The following VWA8 variants were observed in gnomAD, a reference collection of about 807,000 sequenced individuals.
VWA8 encodes the protein von Willebrand factor A domain containing 8.
VWA8 carries 221 observed loss-of-function variants against 241.5 expected under a neutral mutation model. That is an observed-to-expected ratio of 0.91 (90% CI 0.82 to 1.02). The LOEUF (loss-of-function observed/expected upper bound fraction) is 1.02, where lower values mean the gene tolerates loss of function less well. Ranked by LOEUF, VWA8 falls within the 50% of genes least tolerant of loss-of-function variation. The pLI is 0.00. For missense variants in VWA8, 2,322 were observed against 2,328.7 expected, an observed-to-expected ratio of 1.00 and a Z score of 0.06; for synonymous variants, 852 against 827.1, an observed-to-expected ratio of 1.03 and a Z score of -0.52.
chr13:41,915,306 T>C (rs1876200049), intron 2 of VWA8, among the ~76,000 whole-genome samples: 1 of 152,218 alleles, frequency 6.6e-6, no homozygotes, highest in Non-Finnish European at 1.5e-5. Flanking sequence ...ATCTGACTAG[T>C]CTCAGTCCTT....
intron 40 of VWA8, among the ~76,000 whole-genome samples, chr13:41,593,682 T>C (rs1362245663): frequency 1.3e-5 from 2 of 152,234 alleles, no homozygotes; most frequent in Non-Finnish European, 2.9e-5. Context: ...ACCATTTATG[T>C]ACCTTCAGTC....
chr13:41,921,545 T>C (rs986524157), intron 2 of VWA8, among the ~76,000 whole-genome samples: 2 of 152,226 alleles, frequency 1.3e-5, no homozygotes, highest in Non-Finnish European at 2.9e-5. Context: ...AGCCCCATTG[T>C]CTCAGCCCAA....
At chr13:41,579,986 A>G (rs1349416682) in intron 42 of VWA8, among the ~76,000 whole-genome samples, 1 of 150,948 alleles carries the variant, frequency 6.6e-6, no homozygotes, top group South Asian at 2.1e-4. Context: ...AGCTGGGACC[A>G]CAGGCATGCG....
At chr13:41,774,016 C>T (rs1474472455) in intron 20 of VWA8, among the ~76,000 whole-genome samples, 1 of 152,128 alleles carries the variant, frequency 6.6e-6, no homozygotes, top group Non-Finnish European at 1.5e-5. Context: ...GCTGCAAGCT[C>T]AGAGAAAAAG....
Position 41,907,117 on chromosome 13 carries a change from T to C in VWA8, c.483+469A>G, listed in dbSNP as rs1875755929. On this transcript the variant is annotated intron_variant, in intron 4 of 44. Coordinates refer to ENST00000379310, the MANE Select transcript of VWA8 (RefSeq NM_015058.2). ...ATTATAATGTTCATAAAACATTATG[T>C]TAGTTGGTAATCTGTACCTAAGATA... is the stretch of plus-strand genomic sequence containing the variant. 2.0e-5 allele frequency among the ~76,000 whole-genome samples: 3 copies of C among 152,156 alleles called. No homozygotes were observed. The South Asian group carries it at 6.2e-4, about 32-fold the overall frequency.
At chr13:41,759,366 T>C (rs909062130) in intron 21 of VWA8, among the ~76,000 whole-genome samples, 3 of 151,726 alleles carry the variant, frequency 2.0e-5, no homozygotes, top group Non-Finnish European at 4.4e-5. Context: ...ATTTTTCTCT[T>C]GGTTTTTAGC....
At chr13:41,735,069 T>C (rs965594012) in intron 21 of VWA8, among the ~76,000 whole-genome samples, 3 of 152,224 alleles carry the variant, frequency 2.0e-5, no homozygotes, top group African/African-American at 7.2e-5. Context: ...TTAATTAAAC[T>C]TACTTATATT....
At chr13:41,771,931 C>G (rs1402457839) in intron 20 of VWA8, among the ~76,000 whole-genome samples, 1 of 125,352 alleles carries the variant, frequency 8.0e-6, no homozygotes, top group Non-Finnish European at 1.6e-5. Context: ...ACTTTCCTGG[C>G]CCAGGGTGGA....
intron 21 of VWA8, among the ~76,000 whole-genome samples, chr13:41,736,754 G>A (rs1014546960): frequency 2.0e-5 from 3 of 151,336 alleles, no homozygotes; most frequent in Admixed American, 6.6e-5. Flanking sequence ...AATGGTCCAC[G>A]CAATAATACG....
chr13:41,672,419 AT>A (rs2045032233), intron 36 of VWA8, among the ~76,000 whole-genome samples: 1 of 152,174 alleles, frequency 6.6e-6, no homozygotes, highest in African/African-American at 2.4e-5. Context: ...CAGATTATAA[AT>A]TCCTATTGTC....
intron 9 of VWA8, among the ~76,000 whole-genome samples, chr13:41,876,403 T>C (rs1024761282): frequency 1.3e-5 from 2 of 152,052 alleles, no homozygotes; most frequent in African/African-American, 2.4e-5. Context: ...CCCCAATACA[T>C]TGTCCTTTGC....
intron 38 of VWA8, 107 bp downstream of exon 38, chr13:41,614,869 C>G (rs2044611054): frequency 9.3e-7 from 1 of 1,080,192 alleles, no homozygotes; most frequent in Non-Finnish European, 1.4e-6. Flanking sequence ...ATGAGGGAGG[C>G]TGAGAAGGAA....
chr13:41,897,004 C>G (rs991628795), intron 4 of VWA8, among the ~76,000 whole-genome samples: 1 of 152,084 alleles, frequency 6.6e-6, no homozygotes, highest in Non-Finnish European at 1.5e-5. Context: ...AAATGCCAAT[C>G]TGTGAAGGAT....
chr13:41,683,962 A>G (rs894588949), intron 35 of VWA8, among the ~76,000 whole-genome samples: 2 of 152,182 alleles, frequency 1.3e-5, no homozygotes, highest in Non-Finnish European at 2.9e-5. Context: ...TGCATCTTTC[A>G]CATGGAGTAC....
intron 44 of VWA8, among the ~76,000 whole-genome samples, chr13:41,569,526 G>C (rs571053003): frequency 7.2e-4 from 110 of 152,198 alleles, no homozygotes; most frequent in African/African-American, 2.6e-3. Context: ...CAAGGCAAAG[G>C]GAATAGAAAG....
chr13:41,701,336 C>A, intron 28 of VWA8, 56 bp downstream of exon 28: 2 of 1,474,428 alleles, frequency 1.4e-6, no homozygotes, highest in South Asian at 3.1e-5. Context: ...TATTTTAATC[C>A]ATCTTTTAAA....
intron 12 of VWA8, chr13:41,864,736 C>A: frequency 7.0e-6 from 2 of 286,070 alleles, no homozygotes; most frequent in South Asian, 3.2e-5. Flanking sequence ...GATGAAAAAG[C>A]TCTGGAAAAA....
intron 2 of VWA8, among the ~76,000 whole-genome samples, chr13:41,949,021 T>A: frequency 1.5e-5 from 1 of 67,572 alleles, no homozygotes. Context: ...GCAAAACTAA[T>A]CTACCATCAT....
intron 24 of VWA8, among the ~76,000 whole-genome samples, chr13:41,721,916 G>T (rs959311293): frequency 9.9e-5 from 15 of 152,018 alleles, no homozygotes; most frequent in Non-Finnish European, 1.5e-4. Context: ...GAGTCTTAAT[G>T]TTTAGCGCAT....
Sources: allele counts gnomAD v4.1 joint callset (sites outside exome capture counted in the v4.1 genomes callset), GRCh38; gene constraint gnomAD v4.1.1; transcripts MANE v1.5; gene names NCBI Gene and HGNC (gene_info 2026-07-23, HGNC 2026-07-21).